Variants in HOMEZ observed in about 807,000 individuals in gnomAD.
HOMEZ encodes homeobox and leucine zipper protein Homez.
HOMEZ carries 20 observed loss-of-function variants against 50.1 expected under a neutral mutation model. That is an observed-to-expected ratio of 0.40 (90% CI 0.28 to 0.58). The LOEUF (loss-of-function observed/expected upper bound fraction) is 0.58. Among genes scored for constraint, HOMEZ ranks in the 20% least tolerant of loss-of-function variants. HOMEZ has a pLI of 0.46. For synonymous variants in HOMEZ, 239 were observed against 254.7 expected, an observed-to-expected ratio of 0.94 and a Z score of 0.59; for missense variants, 579 against 680.5, an observed-to-expected ratio of 0.85 and a Z score of 1.66.
intron 1 of HOMEZ, among the ~76,000 whole-genome samples, chr14:23,280,710 T>TTTTATTTTATTTTA (rs1555323548): frequency 3.2e-4 from 20 of 62,110 alleles, no homozygotes; most frequent in East Asian, 4.6e-4. Flanking sequence ...TATATTTTTA[T>TTTTATTTTATTTTA]TTTTATTTTA....
chr14:23,276,525 T>C lies in HOMEZ; in HGVS notation c.703A>G (p.Arg235Gly). The part of the protein sequence containing the change: ...SSGLSKEQAG[R>G]GPNQSHGIGT... The stretch of plus-strand genomic sequence containing the variant: ...ATGCCATGTGACTGGTTGGGACCCC[T>C]GCCTGCCTGCTCCTTTGAGAGGCCA... The change falls in exon 2 of 2, where the codon AGG becomes GGG. Residue 235 changes from arginine (R) to glycine (G), a missense_variant. Coordinates refer to ENST00000357460, the MANE Select transcript of HOMEZ (RefSeq NM_020834.3). The surrounding 1 kb of genome is among the most constrained non-coding windows in gnomAD (Gnocchi z 4.1). 1 of 1,614,052 alleles carries C rather than the reference T, an allele frequency of 6.2e-7. No individual in the cohort carries two copies. The highest frequency in any genetic ancestry group is 8.5e-7 in the Non-Finnish European group (1 of 1,179,888).
Position 23,276,897 on chromosome 14 carries a change from C to T in HOMEZ, c.331G>A (p.Gly111Ser), listed in dbSNP as rs758724170. 2.5e-6 allele frequency: 4 copies of T among 1,614,046 alleles called. No individual in the cohort carries two copies. In the South Asian group the frequency reaches 4.4e-5, roughly 18 times the overall value. Residue 111 changes from glycine to serine, a missense_variant, in exon 2 of 2, where the codon GGT (glycine) becomes AGT (serine). Gly to Ser is a moderately conservative substitution (Grantham distance 56). Coordinates refer to ENST00000357460, the MANE Select transcript of HOMEZ (RefSeq NM_020834.3). The surrounding 1 kb of genome is among the most constrained non-coding windows in gnomAD (Gnocchi z 4.1). ...ATTTCTTCAGATGACCAGCTAATACCACAGCGGAGGCGCTGGGCCATAAAC... is the reference window on the plus strand; with the variant it reads ...ATTTCTTCAGATGACCAGCTAATACTACAGCGGAGGCGCTGGGCCATAAAC... Reference protein sequence around the residue: ...TWFMAQRLRCGISWSSEEIEE... With the variant: ...TWFMAQRLRCSISWSSEEIEE...
At chr14:23,278,669 A>ATTTG (rs1886420249) in intron 1 of HOMEZ, among the ~76,000 whole-genome samples, 1 of 142,716 alleles carries the variant, frequency 7.0e-6, no homozygotes, top group African/African-American at 2.8e-5. Context: ...CGGCCCTCAG[A>ATTTG]ATTGTTTGTT....
chr14:23,272,596 A>G lies in HOMEZ; in HGVS notation c.*2979T>C, dbSNP rs1886187780. On this transcript the variant is annotated 3_prime_UTR_variant, in exon 2 of 2. Coordinates refer to ENST00000357460, the MANE Select transcript of HOMEZ (RefSeq NM_020834.3). ...AAAATAGTTTAATTTTCAAATATTCATCCTTATTATTATCACCATAAGCTA... is the reference window on the plus strand; with the variant it reads ...AAAATAGTTTAATTTTCAAATATTCGTCCTTATTATTATCACCATAAGCTA... 1 of 542,790 alleles carries G rather than the reference A, an allele frequency of 1.8e-6. No homozygotes were observed. The highest frequency in any genetic ancestry group is 2.1e-5 in the South Asian group (1 of 47,108). 33.6% of individuals were successfully genotyped at this position (542,790 alleles called of 1,614,324 possible). A position where few individuals can be genotyped will look rare whatever the true frequency, so the allele number is the denominator to read the frequency against.
intron 1 of HOMEZ, among the ~76,000 whole-genome samples, chr14:23,284,456 G>T (rs1390193540): frequency 6.6e-6 from 1 of 152,214 alleles, no homozygotes; most frequent in Non-Finnish European, 1.5e-5. Context: ...AGGCTAAGTA[G>T]GCTGCTACTA....
chr14:23,274,905 C>CA lies in HOMEZ; in HGVS notation c.*669dup, dbSNP rs555507510. Reference sequence around the variant, plus strand: ...TGGGCGACAGAGCAAGACTCCACCTCAAAAAAAAAAAAAAGAACTGAAAAA... The same window carrying CA: ...TGGGCGACAGAGCAAGACTCCACCTCAAAAAAAAAAAAAAAGAACTGAAAAA... On this transcript the variant is annotated 3_prime_UTR_variant, in exon 2 of 2. Transcript: ENST00000357460. The CA allele has an allele frequency of 8.4e-3, 836 of 100,048 alleles. 2 individuals carry two copies. Among genetic ancestry groups the CA allele is most frequent in the African/African-American group, 0.015 (380 of 26,160 alleles). 6.2% of individuals were successfully genotyped at this position (100,048 alleles called of 1,614,324 possible).
chr14:23,283,016 C>A (rs928610978), intron 1 of HOMEZ, among the ~76,000 whole-genome samples: 1 of 151,984 alleles, frequency 6.6e-6, no homozygotes, highest in Non-Finnish European at 1.5e-5. Flanking sequence ...TAGGGTAGAC[C>A]CTATAGTAAT....
At chr14:23,281,886 C>T (rs959582204) in intron 1 of HOMEZ, among the ~76,000 whole-genome samples, 3 of 151,214 alleles carry the variant, frequency 2.0e-5, no homozygotes, top group Non-Finnish European at 4.4e-5. Context: ...CCTAGCTACT[C>T]GGGAGGCTGA....
chr14:23,279,792 T>C (rs1886451506), intron 1 of HOMEZ, among the ~76,000 whole-genome samples: 1 of 152,174 alleles, frequency 6.6e-6, no homozygotes, highest in Admixed American at 6.5e-5. Context: ...ACTATTTTTT[T>C]TTAGAGACAA....
intron 1 of HOMEZ, among the ~76,000 whole-genome samples, chr14:23,282,827 T>C (rs1886584682): frequency 6.6e-6 from 1 of 152,174 alleles, no homozygotes; most frequent in African/African-American, 2.4e-5. Context: ...AACAACATAT[T>C]TGGTGTACTA....
At chr14:23,283,751 C>T (rs940121008) in intron 1 of HOMEZ, among the ~76,000 whole-genome samples, 9 of 152,098 alleles carry the variant, frequency 5.9e-5, no homozygotes, top group Admixed American at 2.6e-4. Flanking sequence ...AAAAATTAGC[C>T]GGGCATGGTG....
chr14:23,279,144 C>T (rs1027335867), intron 1 of HOMEZ, among the ~76,000 whole-genome samples: 1 of 152,152 alleles, frequency 6.6e-6, no homozygotes, highest in South Asian at 2.1e-4. Context: ...CCATGATGCC[C>T]AGCTAATTTT....
At chr14:23,280,763 A>ATTTTCTTTTCTTTTCTTTTC (rs1295606666) in intron 1 of HOMEZ, among the ~76,000 whole-genome samples, 2 of 86,020 alleles carry the variant, frequency 2.3e-5, no homozygotes, top group Non-Finnish European at 5.2e-5. Flanking sequence ...ATTTTATTTT[A>ATTTTCTTTTCTTTTCTTTTC]TTTTATTTTA....
rs957256264 is a variant in HOMEZ, at chr14:23,274,925, G to C, written c.*650C>G. ...CACCTCAAAAAAAAAAAAAAGAACTGAAAAATTCTGCCACCTGTGATTTAG... is the reference window on the plus strand; with the variant it reads ...CACCTCAAAAAAAAAAAAAAGAACTCAAAAATTCTGCCACCTGTGATTTAG... On this transcript the variant is annotated 3_prime_UTR_variant, in exon 2 of 2. Transcript: ENST00000357460. 23 of 151,958 alleles carry C rather than the reference G, an allele frequency of 1.5e-4. No individual in the cohort carries two copies. Among genetic ancestry groups the C allele is most frequent in the African/African-American group, 5.5e-4 (23 of 41,448 alleles). The allele number at this position is 151,958 out of a possible 1,614,324, so 9.4% of individuals were successfully genotyped here.
chr14:23,276,036 G>T lies in HOMEZ; in HGVS notation c.1192C>A (p.Pro398Thr). ...TCACCAAACCACTGAATGATCTCAG[G>T]CCGAGGTAAACCAGTGATCTGTTCT... ...KLEQITGLPR[P>T]EIIQWFGDTR... is the part of the protein sequence containing the mutation. The change falls in exon 2 of 2, where the codon CCT becomes ACT. Residue 398 changes from proline to threonine, a missense_variant. By Grantham distance (38) the Pro-to-Thr change is conservative. Transcript: ENST00000357460. The surrounding 1 kb of genome is among the most constrained non-coding windows in gnomAD (Gnocchi z 4.1). The T allele has an allele frequency of 6.2e-7, 1 of 1,613,836 alleles. No individual in the cohort carries two copies. The highest frequency in any genetic ancestry group is 8.5e-7 in the Non-Finnish European group (1 of 1,179,802).
At position 23,274,914 on chromosome 14, in the gene HOMEZ, A is replaced by T. The variant is rs1886306265; in HGVS notation, c.*661T>A. 6.6e-6 allele frequency: 1 copy of T among 152,242 alleles called. No homozygotes were observed. The highest frequency in any genetic ancestry group is 2.1e-4 in the South Asian group (1 of 4,824). The allele number at this position is 152,242 out of a possible 1,614,324, so 9.4% of individuals were successfully genotyped here. A position where few individuals can be genotyped will look rare whatever the true frequency, so the allele number is the denominator to read the frequency against. ...GAGCAAGACTCCACCTCAAAAAAAA[A>T]AAAAAGAACTGAAAAATTCTGCCAC... On this transcript the variant is annotated 3_prime_UTR_variant, in exon 2 of 2. Coordinates refer to ENST00000357460, the MANE Select transcript of HOMEZ (RefSeq NM_020834.3).
chr14:23,283,809 CG>C (rs1297618071), intron 1 of HOMEZ, among the ~76,000 whole-genome samples: 1 of 152,138 alleles, frequency 6.6e-6, no homozygotes, highest in Non-Finnish European at 1.5e-5. Context: ...GCAAGAGAAT[CG>C]CTTGAACCTG....
chr14:23,285,074 AAC>A (rs2140510603), intron 1 of HOMEZ: 1 of 152,306 alleles, frequency 6.6e-6, no homozygotes, highest in Non-Finnish European at 1.5e-5. Context: ...TAGACACAAA[AAC>A]AGTCTCACCA....
chr14:23,285,711 T>C (rs566890156), intron 1 of HOMEZ: 174 of 401,040 alleles, frequency 4.3e-4, no homozygotes, highest in African/African-American at 3.2e-3. Context: ...CAACCCAACC[T>C]TCTTGCCCTC....
Sources: gnomAD v4.1 joint callset for allele counts (sites outside exome capture counted in the v4.1 genomes callset) on GRCh38, gnomAD v4.1.1 for gene constraint, Gnocchi (gnomAD v3.1) non-coding constraint, MANE v1.5 for transcripts, NCBI Gene and HGNC (gene_info 2026-07-23, HGNC 2026-07-21) for gene names.